The following ZDHHC5 variants were observed in gnomAD, a reference collection of about 807,000 sequenced individuals.
The protein encoded by ZDHHC5 is zDHHC palmitoyltransferase 5.
Under a neutral mutation model 70.0 loss-of-function variants are expected in ZDHHC5, and 22 were observed. The observed-to-expected ratio is 0.31, with a 90% CI of 0.22 to 0.45. The LOEUF (loss-of-function observed/expected upper bound fraction) is 0.45, where lower values mean the gene tolerates loss of function less well. Among genes scored for constraint, ZDHHC5 ranks in the 20% least tolerant of loss-of-function variants. ZDHHC5 has a pLI of 1.00. For synonymous variants in ZDHHC5, 313 were observed against 347.8 expected, an observed-to-expected ratio of 0.90 and a Z score of 1.11; for missense variants, 746 against 926.9, an observed-to-expected ratio of 0.80 and a Z score of 2.53.
chr11:57,678,188 T>C (rs1311860374), intron 2 of ZDHHC5, among the ~76,000 whole-genome samples: 1 of 152,198 alleles, frequency 6.6e-6, no homozygotes, highest in African/African-American at 2.4e-5. Context: ...GAATTCCTAG[T>C]ATTTCAGATA....
chr11:57,698,691 G>A lies in ZDHHC5; in HGVS notation c.1255G>A (p.Asp419Asn), dbSNP rs1202592674. 2.5e-6 allele frequency: 4 copies of A among 1,613,970 alleles called. No homozygotes were observed. Among genetic ancestry groups the A allele is most frequent in the African/African-American group, 2.7e-5 (2 of 74,862 alleles). ...TACCTTTGGCAAAAGTTTTCACTTC[G>A]ATCCACTATCCAGTGGCTCACGCTC... ...SPTFGKSFHFDPLSSGSRSSS... is the reference protein window; with the variant it reads ...SPTFGKSFHFNPLSSGSRSSS... Residue 419 changes from aspartate (D) to asparagine (N), a missense_variant, in exon 11 of 12, where the codon GAT (aspartate) becomes AAT (asparagine). Transcript: ENST00000287169.
intron 2 of ZDHHC5, among the ~76,000 whole-genome samples, chr11:57,676,064 A>G (rs1484496518): frequency 6.6e-6 from 1 of 152,234 alleles, no homozygotes; most frequent in East Asian, 1.9e-4. Flanking sequence ...GAATGCGAGT[A>G]GGAGGGAGAG....
chr11:57,698,495 A>T (rs2135406338), intron 10 of ZDHHC5, 64 bp from the exon 11 acceptor site: 3 of 1,522,380 alleles, frequency 2.0e-6, no homozygotes, highest in Non-Finnish European at 2.6e-6. Flanking sequence ...CAACTCCTTG[A>T]GCTCTGGGGT....
In ZDHHC5 at chr11:57,696,884, C is replaced by T. The variant is rs780639752; in HGVS notation, c.1122+11C>T. The T allele has an allele frequency of 1.9e-6, 3 of 1,612,086 alleles. No homozygotes were observed. The highest frequency in any genetic ancestry group is 2.2e-5 in the East Asian group (1 of 44,802). ...TCCTCCAGCGCCAAGGTACTGAGTA[C>T]TCTAAGAGGTGGGGTAATAACATGC... On this transcript the variant is annotated intron_variant, in intron 10 of 11. Transcript: ENST00000287169.
chr11:57,690,660 A>G (rs765891055), intron 6 of ZDHHC5, among the ~76,000 whole-genome samples: 13 of 152,306 alleles, frequency 8.5e-5, no homozygotes, highest in Middle Eastern at 3.4e-3. Context: ...ATGGAATACT[A>G]TGCAGCCATA....
chr11:57,682,657 A>G lies in ZDHHC5; in HGVS notation c.226+114A>G, dbSNP rs1946163455. On this transcript the variant is annotated intron_variant, in intron 3 of 11. Transcript: ENST00000287169. ...GTCCTGGGATTTTGGGATATGAAAAATAATGATTTGGGCATACGCAGTTGA... is the reference window on the plus strand; with the variant it reads ...GTCCTGGGATTTTGGGATATGAAAAGTAATGATTTGGGCATACGCAGTTGA... The G allele has an allele frequency of 3.7e-6, 5 of 1,342,398 alleles. No individual in the cohort carries two copies. In the South Asian group the frequency reaches 4.7e-5, roughly 13 times the overall value. The allele number at this position is 1,342,398 out of a possible 1,614,324, so 83.2% of individuals were successfully genotyped here.
chr11:57,692,658 C>T lies in ZDHHC5; in HGVS notation c.708C>T (p.Cys236=). 1.9e-6 allele frequency: 3 copies of T among 1,614,140 alleles called. No individual in the cohort carries two copies. The highest frequency in any genetic ancestry group is 2.5e-6 in the Non-Finnish European group (3 of 1,180,024). Residue 236 remains cysteine (C), a synonymous_variant, in exon 7 of 12, where the codon TGC becomes TGT. Coordinates refer to ENST00000287169, the MANE Select transcript of ZDHHC5 (RefSeq NM_015457.3). ...GTGTGAACCCCTTCACCAATGGCTG[C>T]TGTAACAATGTCAGCCGTGTTCTCT... is the stretch of plus-strand genomic sequence containing the variant. ...RGGVNPFTNG[C]CNNVSRVLCS...
intron 1 of ZDHHC5, among the ~76,000 whole-genome samples, chr11:57,669,116 T>C (rs1263879430): frequency 6.6e-6 from 1 of 152,236 alleles, no homozygotes; most frequent in Non-Finnish European, 1.5e-5. Context: ...ATAAACTTAA[T>C]GTTTACAAAA....
chr11:57,671,726 TA>T (rs1180905468), intron 1 of ZDHHC5, among the ~76,000 whole-genome samples: 20 of 152,352 alleles, frequency 1.3e-4, no homozygotes, highest in African/African-American at 4.6e-4. Context: ...ATATTCTTGG[TA>T]TTTGTTACTA....
chr11:57,682,374 G>A, intron 2 of ZDHHC5, 48 bp from the exon 3 acceptor site: 1 of 1,575,216 alleles, frequency 6.3e-7, no homozygotes, highest in Non-Finnish European at 8.6e-7. Context: ...TATGGTTCGT[G>A]TCCAAAATAT....
chr11:57,698,640 T>C lies in ZDHHC5; in HGVS notation c.1204T>C (p.Leu402=). 1 of 1,614,150 alleles carries C rather than the reference T, an allele frequency of 6.2e-7. No homozygotes were observed. ...CCCCAGCTACCGCTCAGAGCCCAGC[T>C]TGGAACCAGAGAGCTTCCGTTCTCC... The part of the protein sequence containing the change: ...RHPSYRSEPS[L]EPESFRSPTF... Residue 402 remains leucine, a synonymous_variant, in exon 11 of 12, where the codon TTG becomes CTG. Transcript: ENST00000287169.
At chr11:57,689,367 T>TTA (rs1350296217) in intron 4 of ZDHHC5, among the ~76,000 whole-genome samples, 37 of 151,084 alleles carry the variant, frequency 2.4e-4, no homozygotes, top group South Asian at 1.0e-3. Context: ...TTGGTCTTTT[T>TTA]TATATATATA....
chr11:57,699,982 T>C lies in ZDHHC5; in HGVS notation c.2099T>C (p.Val700Ala). ...CTCAGTAGCCCCACGAGGGGAGGAG[T>C]CAAGAAGGTGTCAGGGGTTGGTGGT... ...PPLSSPTRGG[V>A]KKVSGVGGTT... The change falls in exon 12 of 12, where the codon GTC becomes GCC. Residue 700 changes from valine to alanine, a missense_variant. Coordinates refer to ENST00000287169, the MANE Select transcript of ZDHHC5 (RefSeq NM_015457.3). 6.2e-7 allele frequency: 1 copy of C among 1,611,636 alleles called. No individual in the cohort carries two copies. The highest frequency in any genetic ancestry group is 8.5e-7 in the Non-Finnish European group (1 of 1,179,052).
rs533711787 is a variant in ZDHHC5, at chr11:57,692,768, C to G, written c.752+66C>G. On this transcript the variant is annotated intron_variant, in intron 7 of 11. Transcript: ENST00000287169. ...AACTTTTATCTTCTTTGGGCTTGTT[C>G]TGGTAAAGGAGGGGTCTGGTGAGAG... 103 of 1,555,084 alleles carry G rather than the reference C, an allele frequency of 6.6e-5. No individual in the cohort carries two copies. In the African/African-American group the frequency reaches 1.2e-3, roughly 18 times the overall value.
rs1312324244 is a variant in ZDHHC5 at position 57,688,502 on chromosome 11, C to T, written c.227-6C>T. The stretch of plus-strand genomic sequence containing the variant: ...GTTGTTTTTAATTGACTTTTCCTCT[C>T]TACAGCTGAGGAGGATGAGGACAAG... On this transcript the variant is annotated splice_polypyrimidine_tract_variant and splice_region_variant and intron_variant, in intron 3 of 11. Transcript: ENST00000287169. The T allele has an allele frequency of 3.8e-6, 6 of 1,558,474 alleles. No homozygotes were observed. In the African/African-American group the frequency reaches 5.5e-5, roughly 14 times the overall value.
chr11:57,698,947 C>G lies in ZDHHC5; in HGVS notation c.1511C>G (p.Ala504Gly). Residue 504 changes from alanine (A) to glycine (G), a missense_variant, in exon 11 of 12, where the codon GCC (alanine) becomes GGC (glycine). Ala to Gly is a moderately conservative substitution (Grantham distance 60). Around this residue, in one of 6 missense-constraint regions of ZDHHC5, gnomAD observed 340 missense variants for 350.1 expected, o/e 0.97. Transcript: ENST00000287169. ...GGCTATACCTCTCCCTTCCTGTCAG[C>G]CAGGCTGGCCCAGCAACGGGAAGCT... is the stretch of plus-strand genomic sequence containing the variant. ...PLGYTSPFLS[A>G]RLAQQREAER... 6.2e-7 allele frequency: 1 copy of G among 1,613,524 alleles called. No individual in the cohort carries two copies. The highest frequency in any genetic ancestry group is 8.5e-7 in the Non-Finnish European group (1 of 1,179,960).
At chr11:57,689,866 G>A (rs564127550) in intron 4 of ZDHHC5, among the ~76,000 whole-genome samples, 165 bp from the exon 5 acceptor site, 8 of 152,066 alleles carry the variant, frequency 5.3e-5, no homozygotes, top group African/African-American at 1.7e-4. Context: ...ACCAACCTCT[G>A]GAAGGTCTCC....
At chr11:57,694,211 C>T (rs576681401) in intron 8 of ZDHHC5, among the ~76,000 whole-genome samples, 8 of 152,046 alleles carry the variant, frequency 5.3e-5, no homozygotes, top group African/African-American at 1.7e-4. Context: ...AGGCTGGTCT[C>T]GAACTTCTGA....
At chr11:57,686,290 T>C (rs1946207028) in intron 3 of ZDHHC5, among the ~76,000 whole-genome samples, 1 of 152,078 alleles carries the variant, frequency 6.6e-6, no homozygotes, top group African/African-American at 2.4e-5. Context: ...AAAATAGCAT[T>C]TGAATTTTTT....
Sources: gnomAD v4.1 joint callset for allele counts (sites outside exome capture counted in the v4.1 genomes callset) on GRCh38, gnomAD v4.1.1 for gene constraint, gnomAD v4.1.1 regional missense constraint, MANE v1.5 for transcripts, NCBI Gene and HGNC (gene_info 2026-07-23, HGNC 2026-07-21) for gene names.